The following ZNF254 variants were observed in gnomAD, a reference collection of about 807,000 sequenced individuals.
ZNF254 encodes the protein zinc finger protein 254.
A neutral mutation model predicts 12.4 loss-of-function variants in ZNF254; 10 were observed. The ratio of observed to expected loss-of-function variants is 0.80; its 90% CI spans 0.50 to 1.36. The LOEUF (loss-of-function observed/expected upper bound fraction) is 1.36, where lower values mean the gene tolerates loss of function less well. ZNF254 is among the 40% of genes most tolerant of loss of function. ZNF254 has a pLI of 0.00. For missense variants in ZNF254, 996 were observed against 763.9 expected, an observed-to-expected ratio of 1.30 and a Z score of -3.58; for synonymous variants, 305 against 253.4, an observed-to-expected ratio of 1.20 and a Z score of -1.93.
chr19:24,044,613 T>G (rs193181414), intron 1 of ZNF254, among the ~76,000 whole-genome samples: 9 of 152,278 alleles, frequency 5.9e-5, no homozygotes, highest in Admixed American at 2.6e-4. Context: ...GTGTTTATAT[T>G]TTGTTTTATA....
intron 2 of ZNF254, among the ~76,000 whole-genome samples, chr19:24,055,202 C>A (rs1970795191): frequency 3.3e-5 from 1 of 30,562 alleles, no homozygotes; most frequent in Non-Finnish European, 6.4e-5. Context: ...GACTCTGTCT[C>A]ACCAAAAAAA....
chr19:24,055,860 T>G (rs947856229), intron 2 of ZNF254, among the ~76,000 whole-genome samples: 1 of 152,188 alleles, frequency 6.6e-6, no homozygotes, highest in Admixed American at 6.5e-5. Context: ...TAACTCCTGT[T>G]CTTAGACACA....
intron 3 of ZNF254, among the ~76,000 whole-genome samples, chr19:24,108,682 G>T (rs1328549497): frequency 6.6e-6 from 1 of 152,100 alleles, no homozygotes; most frequent in African/African-American, 2.4e-5. Flanking sequence ...TGCTGACAGA[G>T]GATAAGCAAA....
intron 3 of ZNF254, among the ~76,000 whole-genome samples, chr19:24,125,018 C>T (rs1974731889): frequency 6.6e-6 from 1 of 152,058 alleles, no homozygotes; most frequent in Non-Finnish European, 1.5e-5. Context: ...CTCCTGACCT[C>T]AGGTGATCGG....
chr19:24,111,356 T>G (rs1973669148), intron 3 of ZNF254, among the ~76,000 whole-genome samples: 1 of 152,208 alleles, frequency 6.6e-6, no homozygotes, highest in South Asian at 2.1e-4. Context: ...GTATCATTGT[T>G]GGACATTTGG....
chr19:24,105,459 T>C (rs73524137), intron 1 of ZNF254: 101 of 247,724 alleles, frequency 4.1e-4, no homozygotes, highest in African/African-American at 2.2e-3. Flanking sequence ...GTGAGCTTGG[T>C]AGAGATTCAT....
intron 3 of ZNF254, among the ~76,000 whole-genome samples, chr19:24,112,902 C>A (rs1358477457): frequency 6.6e-6 from 1 of 152,140 alleles, no homozygotes; most frequent in Non-Finnish European, 1.5e-5. Flanking sequence ...ACTACAAACA[C>A]CTCTATGCAA....
intron 2 of ZNF254, among the ~76,000 whole-genome samples, chr19:24,052,450 T>TA (rs1970685268): frequency 1.3e-5 from 2 of 152,206 alleles, no homozygotes; most frequent in Non-Finnish European, 2.9e-5. Flanking sequence ...TGACATATCT[T>TA]TGCATTCATT....
In ZNF254 at chr19:24,041,561, C is replaced by G. The variant is rs547590618; in HGVS notation, c.-189-4623C>G. Among the ~76,000 whole-genome samples, 1,218 of 152,386 alleles carry G rather than the reference C, an allele frequency of 8.0e-3. 4 individuals carry two copies. Among genetic ancestry groups the G allele is most frequent in the Non-Finnish European group, 0.012 (785 of 68,036 alleles). Reference sequence around the variant, plus strand: ...TTAGCTGCTTTCCTGCGGGGCAGGGCTCGGGACCTGCAGCCCGCCATGCCT... The same window carrying G: ...TTAGCTGCTTTCCTGCGGGGCAGGGGTCGGGACCTGCAGCCCGCCATGCCT... On this transcript the variant is annotated intron_variant, in intron 1 of 4. Coordinates refer to the ZNF254 transcript ENST00000613065.
At chr19:24,099,640 G>T (rs1972892899) in intron 1 of ZNF254, among the ~76,000 whole-genome samples, 2 of 152,174 alleles carry the variant, frequency 1.3e-5, no homozygotes, top group South Asian at 4.1e-4. Context: ...AGCTTATTTT[G>T]TCATTGAATA....
intron 2 of ZNF254, among the ~76,000 whole-genome samples, chr19:24,077,774 G>A (rs2145552382): frequency 6.6e-6 from 1 of 152,174 alleles, no homozygotes; most frequent in East Asian, 1.9e-4. Context: ...TTGTGATACA[G>A]GGTGTGTGTG....
chr19:24,040,116 A>G (rs1264411793), intron 1 of ZNF254, among the ~76,000 whole-genome samples: 1 of 152,134 alleles, frequency 6.6e-6, no homozygotes, highest in Non-Finnish European at 1.5e-5. Flanking sequence ...TCCCTGCCCC[A>G]GCCCTATCCA....
intron 1 of ZNF254, among the ~76,000 whole-genome samples, chr19:24,042,371 C>G (rs1241485479): frequency 6.6e-6 from 1 of 152,186 alleles, no homozygotes; most frequent in South Asian, 2.1e-4. Context: ...AGCAGGCTGC[C>G]CGAGCCAGCA....
At chr19:24,041,270 C>T (rs376024332) in intron 1 of ZNF254, among the ~76,000 whole-genome samples, 12 of 152,344 alleles carry the variant, frequency 7.9e-5, no homozygotes, top group Admixed American at 2.6e-4. Context: ...TCTGGGCTGG[C>T]CAAGGCCGGA....
At chr19:24,082,464 G>C (rs1224463261), upstream of ZNF254, among the ~76,000 whole-genome samples, 1 of 78,424 alleles carries the variant, frequency 1.3e-5, no homozygotes, top group East Asian at 3.7e-4. Flanking sequence ...GGCTAACACG[G>C]TGCAACCCCA....
intron 2 of ZNF254, among the ~76,000 whole-genome samples, chr19:24,077,708 A>G (rs990936534): frequency 1.3e-5 from 2 of 152,058 alleles, no homozygotes; most frequent in African/African-American, 4.8e-5. Flanking sequence ...TGGCCATGCC[A>G]TGGTTCTGGG....
chr19:24,082,669 A>AC (rs1555758312), upstream of ZNF254, among the ~76,000 whole-genome samples: 4 of 144,776 alleles, frequency 2.8e-5, no homozygotes, highest in African/African-American at 1.0e-4. Context: ...AAAAAAAAAA[A>AC]CCCAAAAAAC....
intron 1 of ZNF254, among the ~76,000 whole-genome samples, chr19:24,041,204 C>T (rs1004539939): frequency 4.6e-5 from 7 of 152,256 alleles, no homozygotes; most frequent in African/African-American, 1.7e-4. Context: ...CCTGGGCTCC[C>T]ACTTTGTGGC....
upstream of ZNF254, among the ~76,000 whole-genome samples, chr19:24,084,446 G>A (rs1198509455): frequency 6.6e-6 from 1 of 151,562 alleles, no homozygotes; most frequent in Admixed American, 6.6e-5. Flanking sequence ...CTACATATTG[G>A]GTACAGTGCA....
Sources: allele counts gnomAD v4.1 joint callset (sites outside exome capture counted in the v4.1 genomes callset), GRCh38; gene constraint gnomAD v4.1.1; transcripts MANE v1.5; gene names NCBI Gene and HGNC (gene_info 2026-07-23, HGNC 2026-07-21).